The following RCBTB1 variants were observed in gnomAD, a reference collection of about 807,000 sequenced individuals.
RCBTB1 encodes RCC1 and BTB domain-containing protein 1.
Under a neutral mutation model 62.4 loss-of-function variants are expected in RCBTB1, and 46 were observed. That is an observed-to-expected ratio of 0.74 (90% CI 0.58 to 0.94). The LOEUF (loss-of-function observed/expected upper bound fraction) is 0.94, where lower values mean the gene tolerates loss of function less well. RCBTB1 is among the 40% of genes least tolerant of loss of function. The pLI, the probability that RCBTB1 is intolerant of heterozygous loss-of-function variation, is 0.00. For missense variants in RCBTB1, 565 were observed against 654.9 expected (o/e 0.86, Z 1.50); for synonymous variants, 222 against 245.8 (o/e 0.90, Z 0.91).
At chr13:49,553,375 G>A (rs573979169) in intron 6 of RCBTB1, among the ~76,000 whole-genome samples, 5 of 152,264 alleles carry the variant, frequency 3.3e-5, no homozygotes, top group South Asian at 4.1e-4. Flanking sequence ...TTCTTCCCTC[G>A]TTAGCAAATA....
chr13:49,551,899 CAAA>C (rs5803471), intron 7 of RCBTB1, among the ~76,000 whole-genome samples: 28,400 of 100,672 alleles, frequency 0.28, 3,733 homozygotes, highest in African/African-American at 0.47. Flanking sequence ...GACTCCGTCT[CAAA>C]AAAAAAAAAA....
chr13:49,568,799 T>G (rs958134346), intron 2 of RCBTB1, among the ~76,000 whole-genome samples: 1 of 152,078 alleles, frequency 6.6e-6, no homozygotes, highest in Non-Finnish European at 1.5e-5. Context: ...CATGGTGGTG[T>G]GTGCCTGCAG....
Position 49,569,640 on chromosome 13 carries a change from C to T in RCBTB1, c.-41-2320G>A, listed in dbSNP as rs564746901. Among the ~76,000 whole-genome samples, 40 of 150,914 alleles carry T rather than the reference C, an allele frequency of 2.7e-4. No individual in the cohort carries two copies. The South Asian group carries it at 5.4e-3, about 20-fold the overall frequency. On this transcript the variant is annotated intron_variant, in intron 2 of 12. Coordinates refer to ENST00000378302, the MANE Select transcript of RCBTB1 (RefSeq NM_018191.4). ...CTGAGGCAGGAGAATCACTTGAGCCCGGGAGGCAGAGGTGGCTGTGAGCCG... is the reference window on the plus strand; with the variant it reads ...CTGAGGCAGGAGAATCACTTGAGCCTGGGAGGCAGAGGTGGCTGTGAGCCG...
chr13:49,538,634 T>C (rs774924631), intron 12 of RCBTB1, among the ~76,000 whole-genome samples: 3 of 152,028 alleles, frequency 2.0e-5, no homozygotes, highest in Admixed American at 6.6e-5. Context: ...GAGGACTACT[T>C]GAGCCCAGGA....
intron 2 of RCBTB1, among the ~76,000 whole-genome samples, chr13:49,572,832 G>T (rs1963499346): frequency 6.6e-6 from 1 of 152,112 alleles, no homozygotes; most frequent in South Asian, 2.1e-4. Flanking sequence ...ACTCCAGAGG[G>T]TTGCACAATA....
chr13:49,541,944 G>T (rs1327389740), intron 10 of RCBTB1, 117 bp from the exon 11 acceptor site: 5 of 1,165,102 alleles, frequency 4.3e-6, no homozygotes, highest in South Asian at 1.6e-5. Context: ...GGCCGGGCGT[G>T]GTGGCTCATG....
At chr13:49,572,621 G>A (rs1963484953) in intron 2 of RCBTB1, among the ~76,000 whole-genome samples, 1 of 152,070 alleles carries the variant, frequency 6.6e-6, no homozygotes, top group African/African-American at 2.4e-5. Context: ...TGGCCAACAT[G>A]GCAAAACCCT....
At chr13:49,560,263 T>G (rs563242983) in intron 4 of RCBTB1, among the ~76,000 whole-genome samples, 179 bp from the exon 5 acceptor site, 1 of 152,308 alleles carries the variant, frequency 6.6e-6, no homozygotes, top group African/African-American at 2.4e-5. Context: ...CAGAACGGGA[T>G]AGACAGATGC....
chr13:49,564,791 T>G (rs1391323882), intron 4 of RCBTB1, among the ~76,000 whole-genome samples: 7 of 150,842 alleles, frequency 4.6e-5, no homozygotes, highest in African/African-American at 1.2e-4. Flanking sequence ...CTCGGGAGGC[T>G]GAGGCAGGAG....
intron 10 of RCBTB1, among the ~76,000 whole-genome samples, chr13:49,542,226 A>T (rs1164451241): frequency 6.6e-6 from 1 of 152,008 alleles, no homozygotes; most frequent in East Asian, 1.9e-4. Context: ...AAAAAAAAAA[A>T]AAGTAAGTAT....
chr13:49,560,787 C>T (rs931019014), intron 4 of RCBTB1, among the ~76,000 whole-genome samples: 4 of 152,176 alleles, frequency 2.6e-5, no homozygotes, highest in Admixed American at 2.0e-4. Context: ...CACCTGGAGG[C>T]ATTGTCACTC....
rs1959677174 is a variant in RCBTB1, at chr13:49,533,077, AAAGATG to A, written c.*1039_*1044del. The A allele has an allele frequency of 2.3e-5, 1 of 42,760 alleles. No homozygotes were observed. The highest frequency in any genetic ancestry group is 6.8e-4 in the East Asian group (1 of 1,474). 2.6% of individuals were successfully genotyped at this position (42,760 alleles called of 1,614,324 possible). On this transcript the variant is annotated 3_prime_UTR_variant, in exon 13 of 13. Transcript: ENST00000378302. Reference sequence around the variant, plus strand: ...TAAAAACAGAGGAAAACCAAAAGTGAAAGATGATAAAGTTTCACATAAGCCAATGTG... The same window carrying A: ...TAAAAACAGAGGAAAACCAAAAGTGAATAAAGTTTCACATAAGCCAATGTG...
intron 4 of RCBTB1, 47 bp downstream of exon 4, chr13:49,566,571 C>G (rs756310504): frequency 7.6e-6 from 12 of 1,574,274 alleles, no homozygotes; most frequent in East Asian, 2.2e-5. Context: ...TAGAATTAAC[C>G]GGTCAATTTC....
intron 5 of RCBTB1, among the ~76,000 whole-genome samples, chr13:49,559,603 C>T (rs1359238586): frequency 3.7e-5 from 5 of 135,364 alleles, no homozygotes; most frequent in South Asian, 2.3e-4. Context: ...TTGCAGTGAG[C>T]AGAGATCGTG....
At chr13:49,538,370 A>G (rs957365360) in intron 12 of RCBTB1, among the ~76,000 whole-genome samples, 1 of 152,224 alleles carries the variant, frequency 6.6e-6, no homozygotes, top group Non-Finnish European at 1.5e-5. Context: ...TAAAATGTAA[A>G]AGCACATTAG....
intron 2 of RCBTB1, among the ~76,000 whole-genome samples, chr13:49,573,210 A>G (rs1454838162): frequency 6.6e-6 from 1 of 152,228 alleles, no homozygotes; most frequent in Non-Finnish European, 1.5e-5. Context: ...CTGTATGATT[A>G]CAATTTTTCT....
chr13:49,558,086 G>A (rs553760238), intron 5 of RCBTB1, among the ~76,000 whole-genome samples: 89 of 152,234 alleles, frequency 5.8e-4, no homozygotes, highest in African/African-American at 2.1e-3. Context: ...GTCAATTCCC[G>A]GCCAGGGCCA....
intron 1 of RCBTB1, among the ~76,000 whole-genome samples, chr13:49,581,173 T>C (rs1964073508): frequency 6.6e-6 from 1 of 151,834 alleles, no homozygotes; most frequent in Admixed American, 6.6e-5. Flanking sequence ...GAAAGATTAC[T>C]TTGGCTGACC....
intron 2 of RCBTB1, among the ~76,000 whole-genome samples, chr13:49,575,744 C>T (rs1428533645): frequency 2.0e-5 from 3 of 151,846 alleles, no homozygotes; most frequent in Non-Finnish European, 4.4e-5. Flanking sequence ...ACTACAGGGG[C>T]AGGGAGGGAG....
Sources: allele counts gnomAD v4.1 joint callset (sites outside exome capture counted in the v4.1 genomes callset), GRCh38; gene constraint gnomAD v4.1.1; transcripts MANE v1.5; gene names NCBI Gene and HGNC (gene_info 2026-07-23, HGNC 2026-07-21).